Variants in TNFSF12 observed in about 807,000 individuals in gnomAD.
TNFSF12 encodes the protein TNF superfamily member 12.
A neutral mutation model predicts 31.2 loss-of-function variants in TNFSF12; 16 were observed. The observed-to-expected ratio is 0.51, with a 90% CI of 0.35 to 0.78. The LOEUF is 0.78. Among genes scored for constraint, TNFSF12 ranks in the 30% least tolerant of loss-of-function variants. The pLI is 0.01. For synonymous variants in TNFSF12, 150 were observed against 151.4 expected (o/e 0.99, Z 0.07); for missense variants, 324 against 338.8 (o/e 0.96, Z 0.34).
chr17:7,549,118 G>C lies in TNFSF12; in HGVS notation c.-36G>C, dbSNP rs996974616. 23 of 1,243,406 alleles carry C rather than the reference G, an allele frequency of 1.8e-5. No individual in the cohort carries two copies. The highest frequency in any genetic ancestry group is 1.0e-4 in the South Asian group (3 of 29,354). 77.0% of individuals were successfully genotyped at this position (1,243,406 alleles called of 1,614,324 possible). On this transcript the variant is annotated 5_prime_UTR_variant, in exon 1 of 7. It removes an upstream start codon present in the reference 5' UTR. Transcript: ENST00000293825. This position sits in a 1 kb window ranked among gnomAD's most constrained non-coding sequence, Gnocchi z 4.1. ...CCCCCGATCCCTCGGGTCCCGGGAT[G>C]GGGGGGCGGTGAGGCAGGCACAGCC...
At chr17:7,555,973 G>GTTTTTTGTTTTTTTTTTTTTTT (rs1555564686) in intron 5 of TNFSF12, among the ~76,000 whole-genome samples, 61 of 70,908 alleles carry the variant, frequency 8.6e-4, no homozygotes, top group Middle Eastern at 0.01. Flanking sequence ...CCCAGTGAGC[G>GTTTTTTGTTTTTTTTTTTTTTT]TTTTTTTTGT....
In TNFSF12 at chr17:7,557,412, ACCCGGTC is replaced by A. The variant is rs1277840740; in HGVS notation, c.*66_*72del. On this transcript the variant is annotated 3_prime_UTR_variant, in exon 7 of 7. Transcript: ENST00000293825. The surrounding 1 kb of genome is among the most constrained non-coding windows in gnomAD (Gnocchi z 5.2). The stretch of plus-strand genomic sequence containing the variant: ...GGCTCCCCTCGACAGCTCTCTGGGC[ACCCGGTC>A]CCCTCTGCCCCACCCTCAGCCGCTC... 1.4e-4 allele frequency: 212 copies of A among 1,522,796 alleles called. No homozygotes were observed. Among genetic ancestry groups the A allele is most frequent in the Non-Finnish European group, 1.8e-4 (206 of 1,135,720 alleles). The allele number at this position is 1,522,796 out of a possible 1,614,324, so 94.3% of individuals were successfully genotyped here.
At chr17:7,556,592 A>G (rs1376763006) in intron 5 of TNFSF12, among the ~76,000 whole-genome samples, 186 bp from the exon 6 acceptor site, 1 of 152,098 alleles carries the variant, frequency 6.6e-6, no homozygotes, top group African/African-American at 2.4e-5. Flanking sequence ...TATACATTAG[A>G]TTTTTTCACA....
At position 7,557,277 on chromosome 17, in the gene TNFSF12, T is replaced by C. The variant is rs750008208; in HGVS notation, c.677T>C (p.Ile226Thr). Residue 226 changes from isoleucine to threonine, a missense_variant, in exon 7 of 7, where the codon ATC becomes ACC. Coordinates refer to ENST00000293825, the MANE Select transcript of TNFSF12 (RefSeq NM_003809.3). This position sits in a 1 kb window ranked among gnomAD's most constrained non-coding sequence, Gnocchi z 5.2. Reference protein sequence around the residue: ...LALRPGSSLRIRTLPWAHLKA... With the variant: ...LALRPGSSLRTRTLPWAHLKA... Reference sequence around the variant, plus strand: ...CTGCGGCCAGGGTCCTCCCTGCGGATCCGCACCCTCCCCTGGGCCCATCTC... The same window carrying C: ...CTGCGGCCAGGGTCCTCCCTGCGGACCCGCACCCTCCCCTGGGCCCATCTC... The C allele has an allele frequency of 6.2e-7, 1 of 1,613,806 alleles. No homozygotes were observed. Among genetic ancestry groups the C allele is most frequent in the East Asian group, 2.2e-5 (1 of 44,870 alleles).
chr17:7,556,664 A>G (rs982716116), intron 5 of TNFSF12, 114 bp from the exon 6 acceptor site: 1 of 1,341,070 alleles, frequency 7.5e-7, no homozygotes, highest in Non-Finnish European at 9.6e-7. Flanking sequence ...GGGGTGATCT[A>G]TGTGTCTTCT....
chr17:7,555,973 GTTTTTTTTGTTT>G (rs1403890560), intron 5 of TNFSF12, among the ~76,000 whole-genome samples: 3 of 70,878 alleles, frequency 4.2e-5, no homozygotes, highest in African/African-American at 5.7e-5. Context: ...CCCAGTGAGC[GTTTTTTTTGTTT>G]TTTTTTTTTT....
rs765748512 is a variant in TNFSF12 at position 7,550,101 on chromosome 17, C to A, written c.208-19C>A. The A allele has an allele frequency of 1.2e-6, 2 of 1,613,882 alleles. No individual in the cohort carries two copies. The highest frequency in any genetic ancestry group is 1.7e-6 in the Non-Finnish European group (2 of 1,179,992). ...TATCTCTGGGAGTCTGTGGTTGAAC[C>A]CTGCCCTAATTCCCCTAGGAACTGA... On this transcript the variant is annotated intron_variant, in intron 2 of 6. Transcript: ENST00000293825. The surrounding 1 kb of genome is among the most constrained non-coding windows in gnomAD (Gnocchi z 4.4).
At chr17:7,551,023 G>A in intron 5 of TNFSF12, 45 bp downstream of exon 5, 1 of 1,611,886 alleles carries the variant, frequency 6.2e-7, no homozygotes, top group Non-Finnish European at 8.5e-7. Flanking sequence ...CTGGGAAAAG[G>A]GCCCTTGAAA....
In TNFSF12 at chr17:7,549,337, C is replaced by T. The variant is rs1253105845; in HGVS notation, c.159+25C>T. 1 of 1,410,902 alleles carries T rather than the reference C, an allele frequency of 7.1e-7. No homozygotes were observed. Among genetic ancestry groups the T allele is most frequent in the East Asian group, 2.7e-5 (1 of 37,076 alleles). 87.4% of individuals were successfully genotyped at this position (1,410,902 alleles called of 1,614,324 possible). A position where few individuals can be genotyped will look rare whatever the true frequency, so the allele number is the denominator to read the frequency against. The stretch of plus-strand genomic sequence containing the variant: ...GGTGAGGCCCCGCTGCGCACCCCTT[C>T]TTGGGCACATCAGGAGCTGAGACTG... On this transcript the variant is annotated intron_variant, in intron 1 of 6. Coordinates refer to ENST00000293825, the MANE Select transcript of TNFSF12 (RefSeq NM_003809.3). This position sits in a 1 kb window ranked among gnomAD's most constrained non-coding sequence, Gnocchi z 4.1.
chr17:7,549,143 C>G lies in TNFSF12; in HGVS notation c.-11C>G. 1 of 1,275,086 alleles carries G rather than the reference C, an allele frequency of 7.8e-7. No individual in the cohort carries two copies. Among genetic ancestry groups the G allele is most frequent in the Non-Finnish European group, 9.9e-7 (1 of 1,013,208 alleles). The allele number at this position is 1,275,086 out of a possible 1,614,324, so 79.0% of individuals were successfully genotyped here. ...GGGGGGGCGGTGAGGCAGGCACAGC[C>G]CCCCGCCCCCATGGCCGCCCGTCGG... On this transcript the variant is annotated 5_prime_UTR_variant, in exon 1 of 7. Transcript: ENST00000293825. This position sits in a 1 kb window ranked among gnomAD's most constrained non-coding sequence, Gnocchi z 4.1.
chr17:7,551,857 G>A (rs935866471), intron 5 of TNFSF12, among the ~76,000 whole-genome samples: 12 of 152,200 alleles, frequency 7.9e-5, no homozygotes, highest in African/African-American at 2.2e-4. Context: ...GTGCAATCTC[G>A]GCTTACTGCA....
chr17:7,551,560 G>A (rs181390162), intron 5 of TNFSF12, among the ~76,000 whole-genome samples: 4 of 152,184 alleles, frequency 2.6e-5, no homozygotes, highest in African/African-American at 4.8e-5. Flanking sequence ...TGTTTGCTGC[G>A]CTGACACCCC....
chr17:7,549,200 C>G lies in TNFSF12; in HGVS notation c.47C>G (p.Pro16Arg). 1 of 1,315,612 alleles carries G rather than the reference C, an allele frequency of 7.6e-7. No homozygotes were observed. The highest frequency in any genetic ancestry group is 4.1e-5 in the Admixed American group (1 of 24,550). 81.5% of individuals were successfully genotyped at this position (1,315,612 alleles called of 1,614,324 possible). ...AGGCGGAGGGGGCGCCGGGGGGAGC[C>G]GGGCACCGCCCTGCTGGTCCCGCTC... is the stretch of plus-strand genomic sequence containing the variant. ...SQRRRGRRGE[P>R]GTALLVPLAL... is the part of the protein sequence containing the mutation. The change falls in exon 1 of 7, where the codon CCG (proline) becomes CGG (arginine). Residue 16 changes from proline to arginine, a missense_variant. Transcript: ENST00000293825. This position sits in a 1 kb window ranked among gnomAD's most constrained non-coding sequence, Gnocchi z 4.1.
At chr17:7,553,926 G>A (rs1486727428) in intron 5 of TNFSF12, 1 of 1,000,624 alleles carries the variant, frequency 1.0e-6, no homozygotes. Flanking sequence ...GATTTGAGGA[G>A]AAATGGTACA....
At chr17:7,552,915 C>G (rs1388229221) in intron 5 of TNFSF12, among the ~76,000 whole-genome samples, 1 of 151,750 alleles carries the variant, frequency 6.6e-6, no homozygotes, top group East Asian at 1.9e-4. Flanking sequence ...ACGTGAAAGT[C>G]CTGCTGACCT....
chr17:7,549,474 G>A lies in TNFSF12; in HGVS notation c.160G>A (p.Glu54Lys). 1 of 1,530,758 alleles carries A rather than the reference G, an allele frequency of 6.5e-7. No individual in the cohort carries two copies. Among genetic ancestry groups the A allele is most frequent in the Non-Finnish European group, 8.8e-7 (1 of 1,131,226 alleles). 94.8% of individuals were successfully genotyped at this position (1,530,758 alleles called of 1,614,324 possible). ...LGSRASLSAQ[E>K]PAQEELVAEE... ...GGTGACGCTCCCTCCTTCCCAGCAG[G>A]AGCCTGCCCAGGAGGAGCTGGTGGC... The change falls in exon 2 of 7, where the codon GAG becomes AAG. Residue 54 changes from glutamate to lysine, a missense_variant and splice_region_variant. By Grantham distance (56) the Glu-to-Lys change is moderately conservative. Transcript: ENST00000293825. The surrounding 1 kb of genome is among the most constrained non-coding windows in gnomAD (Gnocchi z 4.1).
At chr17:7,552,393 T>A (rs2071010415) in intron 5 of TNFSF12, among the ~76,000 whole-genome samples, 1 of 150,312 alleles carries the variant, frequency 6.7e-6, no homozygotes, top group South Asian at 2.1e-4. Flanking sequence ...AGTGGTTCGA[T>A]CTTGGCTCAC....
chr17:7,549,847 C>T lies in TNFSF12; in HGVS notation c.208-273C>T, dbSNP rs558426138. ...ATCCTCTGTGCGTGGTGACTGGGTGCGGGCATGTGTGCAATGTGCCAATTG... is the reference window on the plus strand; with the variant it reads ...ATCCTCTGTGCGTGGTGACTGGGTGTGGGCATGTGTGCAATGTGCCAATTG... On this transcript the variant is annotated intron_variant, in intron 2 of 6. Coordinates refer to ENST00000293825, the MANE Select transcript of TNFSF12 (RefSeq NM_003809.3). The surrounding 1 kb of genome is among the most constrained non-coding windows in gnomAD (Gnocchi z 4.1). 15 of 607,830 alleles carry T rather than the reference C, an allele frequency of 2.5e-5. No homozygotes were observed. Among genetic ancestry groups the T allele is most frequent in the Non-Finnish European group, 2.3e-5 (8 of 346,202 alleles). The allele number at this position is 607,830 out of a possible 1,614,324, so 37.7% of individuals were successfully genotyped here. A position where few individuals can be genotyped will look rare whatever the true frequency, so the allele number is the denominator to read the frequency against.
chr17:7,549,898 G>C lies in TNFSF12; in HGVS notation c.208-222G>C. 1.5e-6 allele frequency: 1 copy of C among 649,002 alleles called. No homozygotes were observed. Among genetic ancestry groups the C allele is most frequent in the South Asian group, 1.9e-5 (1 of 52,234 alleles). The allele number at this position is 649,002 out of a possible 1,614,324, so 40.2% of individuals were successfully genotyped here. On this transcript the variant is annotated intron_variant, in intron 2 of 6. Coordinates refer to ENST00000293825, the MANE Select transcript of TNFSF12 (RefSeq NM_003809.3). The surrounding 1 kb of genome is among the most constrained non-coding windows in gnomAD (Gnocchi z 4.1). Reference sequence around the variant, plus strand: ...AATGCAGGGTCTGCGTTGGTTGTGTGTGTGGGTGGGAAAGTGTAGCTGGTC... The same window carrying C: ...AATGCAGGGTCTGCGTTGGTTGTGTCTGTGGGTGGGAAAGTGTAGCTGGTC...
Sources: gnomAD v4.1 joint callset for allele counts (sites outside exome capture counted in the v4.1 genomes callset) on GRCh38, gnomAD v4.1.1 for gene constraint, Gnocchi (gnomAD v3.1) non-coding constraint, MANE v1.5 for transcripts, NCBI Gene and HGNC (gene_info 2026-07-23, HGNC 2026-07-21) for gene names.